The following VTA1 variants were observed in gnomAD, a reference collection of about 807,000 sequenced individuals.
VTA1 encodes vesicle trafficking 1.
VTA1 carries 24 observed loss-of-function variants against 36.9 expected under a neutral mutation model. The observed-to-expected ratio is 0.65, with a 90% confidence interval of 0.47 to 0.91. VTA1 has a LOEUF of 0.91. VTA1 is among the 40% of genes least tolerant of loss of function. The pLI is 0.00. For missense variants in VTA1, 393 were observed against 377.2 expected (o/e 1.04, Z -0.35); for synonymous variants, 142 against 130.2 (o/e 1.09, Z -0.62).
intron 1 of VTA1, among the ~76,000 whole-genome samples, chr6:142,161,246 G>T (rs1203572295): frequency 6.6e-6 from 1 of 152,074 alleles, no homozygotes; most frequent in Admixed American, 6.5e-5. Context: ...TTTAGGAATA[G>T]AATAACATTC....
intron 1 of VTA1, among the ~76,000 whole-genome samples, chr6:142,153,075 T>C: frequency 6.6e-6 from 1 of 152,140 alleles, no homozygotes; most frequent in East Asian, 1.9e-4. Context: ...CATCTGTTTA[T>C]CTTTCAATCT....
intron 5 of VTA1, among the ~76,000 whole-genome samples, chr6:142,195,955 G>C (rs1775537105): frequency 6.6e-6 from 1 of 152,002 alleles, no homozygotes; most frequent in Non-Finnish European, 1.5e-5. Context: ...CATATGATCT[G>C]TCTTGGTGAA....
In VTA1 at chr6:142,203,849, G is replaced by C. The variant is rs1001049119; in HGVS notation, c.698-136G>C. ...ATATCCTCCAACATCAACTAAGTAT[G>C]TCAAGTTAGAATCCATTGATGTTTC... On this transcript the variant is annotated intron_variant, in intron 6 of 7. Coordinates refer to ENST00000367630, the MANE Select transcript of VTA1 (RefSeq NM_016485.5). 4 of 665,008 alleles carry C rather than the reference G, an allele frequency of 6.0e-6. No individual in the cohort carries two copies. The East Asian group carries it at 8.6e-5, about 14-fold the overall frequency. The allele number at this position is 665,008 out of a possible 1,614,324, so 41.2% of individuals were successfully genotyped here.
chr6:142,189,649 A>G, intron 5 of VTA1, 115 bp downstream of exon 5: 1 of 699,442 alleles, frequency 1.4e-6, no homozygotes, highest in South Asian at 2.3e-5. Flanking sequence ...GCCCAGAATC[A>G]ATGAAAGTTA....
At chr6:142,201,597 A>G (rs927688237) in intron 6 of VTA1, among the ~76,000 whole-genome samples, 2 of 151,976 alleles carry the variant, frequency 1.3e-5, no homozygotes, top group East Asian at 3.8e-4. Context: ...ATAAAGCTAG[A>G]TTAAATAATA....
At position 142,170,442 on chromosome 6, in the gene VTA1, G is replaced by A. The variant is rs1309149699; in HGVS notation, c.411+21G>A. 4.0e-6 allele frequency: 6 copies of A among 1,492,090 alleles called. No homozygotes were observed. In the African/African-American group the frequency reaches 8.4e-5, roughly 21 times the overall value. The allele number at this position is 1,492,090 out of a possible 1,614,324, so 92.4% of individuals were successfully genotyped here. On this transcript the variant is annotated intron_variant, in intron 4 of 7. Coordinates refer to ENST00000367630, the MANE Select transcript of VTA1 (RefSeq NM_016485.5). ...ATGAAGTGAGTGTACATTCTTTATT[G>A]TCTTATTAGCTGAAGATCAGTAATG...
chr6:142,199,965 T>C (rs894032939), intron 6 of VTA1, among the ~76,000 whole-genome samples: 2 of 152,132 alleles, frequency 1.3e-5, no homozygotes, highest in African/African-American at 4.8e-5. Flanking sequence ...CTTAGATCTG[T>C]TTGCCTTAGA....
intron 7 of VTA1, among the ~76,000 whole-genome samples, chr6:142,208,085 CAAAAAA>C (rs567010868): frequency 1.1e-4 from 11 of 99,490 alleles, no homozygotes; most frequent in African/African-American, 2.0e-4. Flanking sequence ...AGACTTCCAT[CAAAAAA>C]AAAAAAAAAA....
intron 7 of VTA1, among the ~76,000 whole-genome samples, chr6:142,218,053 A>T (rs1776035556): frequency 6.6e-6 from 1 of 152,168 alleles, no homozygotes; most frequent in South Asian, 2.1e-4. Context: ...AAATACTCTC[A>T]TGCTTAAAAC....
At chr6:142,158,341 C>G (rs189592757) in intron 1 of VTA1, among the ~76,000 whole-genome samples, 2 of 152,060 alleles carry the variant, frequency 1.3e-5, no homozygotes, top group African/African-American at 4.8e-5. Flanking sequence ...CCTAACCTAT[C>G]GTTTATGGCC....
chr6:142,178,506 G>T (rs987375640), intron 4 of VTA1, among the ~76,000 whole-genome samples: 1 of 152,036 alleles, frequency 6.6e-6, no homozygotes, highest in African/African-American at 2.4e-5. Flanking sequence ...ATACCAAGTA[G>T]GAATTTGATT....
At chr6:142,159,682 T>G (rs1774756029) in intron 1 of VTA1, among the ~76,000 whole-genome samples, 1 of 151,180 alleles carries the variant, frequency 6.6e-6, no homozygotes, top group Admixed American at 6.6e-5. Flanking sequence ...CCCAGCTAAT[T>G]TTTTGTATTT....
At chr6:142,162,469 A>T (rs960696096) in intron 1 of VTA1, among the ~76,000 whole-genome samples, 1 of 152,162 alleles carries the variant, frequency 6.6e-6, no homozygotes, top group Non-Finnish European at 1.5e-5. Context: ...GCCAGTGTAC[A>T]TTTAGATCAT....
intron 4 of VTA1, 38 bp downstream of exon 4, chr6:142,170,459 T>G (rs1418193495): frequency 7.5e-7 from 1 of 1,331,350 alleles, no homozygotes; most frequent in Non-Finnish European, 1.0e-6. Flanking sequence ...TAGCTGAAGA[T>G]CAGTAATGTT....
At chr6:142,202,877 G>T (rs1775718387) in intron 6 of VTA1, among the ~76,000 whole-genome samples, 1 of 151,712 alleles carries the variant, frequency 6.6e-6, no homozygotes, top group South Asian at 2.1e-4. Flanking sequence ...TCAATTTTTA[G>T]TTAAAAAGCA....
At chr6:142,168,906 A>G (rs927156290) in intron 2 of VTA1, among the ~76,000 whole-genome samples, 1 of 151,696 alleles carries the variant, frequency 6.6e-6, no homozygotes, top group Admixed American at 6.6e-5. Flanking sequence ...AGCTGGGACT[A>G]CAGCTGCCCG....
chr6:142,191,483 T>TAA, intron 5 of VTA1, among the ~76,000 whole-genome samples: 1 of 152,128 alleles, frequency 6.6e-6, no homozygotes. Context: ...TGTAGGCCCT[T>TAA]ACGATTAATA....
At chr6:142,212,162 G>A (rs1176620699) in intron 7 of VTA1, among the ~76,000 whole-genome samples, 1 of 152,070 alleles carries the variant, frequency 6.6e-6, no homozygotes, top group Non-Finnish European at 1.5e-5. Context: ...TTGTGTCCTT[G>A]GTATTTACCT....
chr6:142,220,265 C>A lies in VTA1; in HGVS notation c.*1622C>A, dbSNP rs1333352346. On this transcript the variant is annotated 3_prime_UTR_variant, in exon 8 of 8. Transcript: ENST00000367630. ...ATGTTATTACGAATAGAAAGATGGC[C>A]AGGATGACCTTTAGTGTTACATGAT... The A allele has an allele frequency of 6.6e-6, 1 of 152,152 alleles. No homozygotes were observed. The highest frequency in any genetic ancestry group is 2.4e-5 in the African/African-American group (1 of 41,438). The allele number at this position is 152,152 out of a possible 1,614,324, so 9.4% of individuals were successfully genotyped here.
Sources: gnomAD v4.1 joint callset for allele counts (sites outside exome capture counted in the v4.1 genomes callset) on GRCh38, gnomAD v4.1.1 for gene constraint, MANE v1.5 for transcripts, NCBI Gene and HGNC (gene_info 2026-07-23, HGNC 2026-07-21) for gene names.